ARHGAP42: variants seen among roughly 807,000 people sequenced by gnomAD.
ARHGAP42 encodes the protein rho GTPase-activating protein 42.
ARHGAP42 carries 63 observed loss-of-function variants against 125.0 expected under a neutral mutation model. The observed-to-expected ratio is 0.50, with a 90% CI of 0.41 to 0.62. The LOEUF is 0.62. Among genes scored for constraint, ARHGAP42 ranks in the 20% least tolerant of loss-of-function variants. ARHGAP42 has a pLI of 0.00. For missense variants in ARHGAP42, 766 were observed against 1,024.2 expected (o/e 0.75, Z 3.44); for synonymous variants, 339 against 351.0 (o/e 0.97, Z 0.38).
intron 4 of ARHGAP42, among the ~76,000 whole-genome samples, chr11:100,865,848 T>C (rs560188361): frequency 6.6e-6 from 1 of 152,298 alleles, no homozygotes; most frequent in African/African-American, 2.4e-5. Flanking sequence ...TCGATGTTGA[T>C]AGCAGCTGAC....
chr11:100,736,716 T>A (rs1862075734), intron 1 of ARHGAP42, among the ~76,000 whole-genome samples: 1 of 152,212 alleles, frequency 6.6e-6, no homozygotes, highest in African/African-American at 2.4e-5. Flanking sequence ...TCCGAAAGGA[T>A]CTTGACGTGT....
chr11:100,699,611 C>G (rs1861363779), intron 1 of ARHGAP42, among the ~76,000 whole-genome samples: 1 of 140,922 alleles, frequency 7.1e-6, no homozygotes, highest in Non-Finnish European at 1.5e-5. Context: ...CAACCTCTGC[C>G]TCCTGGGTTC....
chr11:100,927,278 A>T (rs1005584918), intron 6 of ARHGAP42, among the ~76,000 whole-genome samples: 1 of 152,106 alleles, frequency 6.6e-6, no homozygotes, highest in African/African-American at 2.4e-5. Context: ...TAACATTTTG[A>T]TGTGTTTTTC....
At chr11:100,835,527 T>C (rs1251635329) in intron 3 of ARHGAP42, among the ~76,000 whole-genome samples, 1 of 152,134 alleles carries the variant, frequency 6.6e-6, no homozygotes, top group Admixed American at 6.6e-5. Flanking sequence ...GCTCATTTCA[T>C]AGAAGTTTTG....
intron 4 of ARHGAP42, among the ~76,000 whole-genome samples, chr11:100,901,982 T>C (rs1866565886): frequency 6.6e-6 from 1 of 152,248 alleles, no homozygotes; most frequent in African/African-American, 2.4e-5. Context: ...TCACCCATCT[T>C]CTGCGTCCAT....
intron 22 of ARHGAP42, among the ~76,000 whole-genome samples, chr11:100,983,853 A>T (rs1322797911): frequency 6.6e-6 from 1 of 152,216 alleles, no homozygotes; most frequent in African/African-American, 2.4e-5. Context: ...GAAATCTGCA[A>T]CTAGGCTGGG....
intron 4 of ARHGAP42, among the ~76,000 whole-genome samples, chr11:100,887,993 G>A (rs1406179232): frequency 6.6e-6 from 1 of 152,176 alleles, no homozygotes; most frequent in African/African-American, 2.4e-5. Context: ...CCATCTGGCA[G>A]CAAGGAGGTT....
At chr11:100,918,364 T>A (rs535195269) in intron 5 of ARHGAP42, among the ~76,000 whole-genome samples, 1 of 152,324 alleles carries the variant, frequency 6.6e-6, no homozygotes, top group African/African-American at 2.4e-5. Context: ...TCTTTTGAAT[T>A]GAGATAGCAT....
intron 6 of ARHGAP42, 98 bp from the exon 7 acceptor site, chr11:100,933,058 G>T: frequency 2.5e-6 from 2 of 802,052 alleles, no homozygotes; most frequent in South Asian, 2.2e-5. Context: ...GTATTAGTTT[G>T]AGGAATTATA....
chr11:100,795,006 C>T, intron 2 of ARHGAP42, 99 bp from the exon 3 acceptor site: 2 of 898,436 alleles, frequency 2.2e-6, no homozygotes, highest in East Asian at 5.4e-5. Flanking sequence ...ATACTATATA[C>T]AAATTAATAA....
chr11:100,823,517 G>T (rs1004511679), intron 3 of ARHGAP42, among the ~76,000 whole-genome samples: 1 of 152,032 alleles, frequency 6.6e-6, no homozygotes, highest in Non-Finnish European at 1.5e-5. Flanking sequence ...ACCACATATG[G>T]TTCAGTTTTA....
rs988556575 is a variant in ARHGAP42, at chr11:100,973,340, C to A, written c.1710+6C>A. On this transcript the variant is annotated splice_donor_region_variant and intron_variant, in intron 18 of 23. Coordinates refer to ENST00000298815, the MANE Select transcript of ARHGAP42 (RefSeq NM_152432.4). ...TGATAGAGCACTATGAAAAGGTAGG[C>A]GGAATTTTCATGTGGAAGTGTCAAG... is the stretch of plus-strand genomic sequence containing the variant. 3.2e-6 allele frequency: 5 copies of A among 1,546,902 alleles called. No individual in the cohort carries two copies. Among genetic ancestry groups the A allele is most frequent in the South Asian group, 2.4e-5 (2 of 82,816 alleles).
intron 4 of ARHGAP42, among the ~76,000 whole-genome samples, chr11:100,861,671 A>G (rs1226359990): frequency 2.0e-5 from 3 of 152,218 alleles, no homozygotes; most frequent in African/African-American, 7.2e-5. Flanking sequence ...TTCAGGTTGC[A>G]TAACTGGGTG....
intron 3 of ARHGAP42, among the ~76,000 whole-genome samples, chr11:100,809,957 G>A (rs1864096341): frequency 6.6e-6 from 1 of 151,582 alleles, no homozygotes; most frequent in Non-Finnish European, 1.5e-5. Flanking sequence ...AAAAAGAGAA[G>A]CCAGAGGCAT....
chr11:100,708,758 C>A (rs1171323215), intron 1 of ARHGAP42, among the ~76,000 whole-genome samples: 1 of 152,032 alleles, frequency 6.6e-6, no homozygotes, highest in Non-Finnish European at 1.5e-5. Flanking sequence ...TCACAGTAGT[C>A]CTTCCTTATC....
intron 3 of ARHGAP42, among the ~76,000 whole-genome samples, chr11:100,840,163 T>A (rs529773824): frequency 2.6e-5 from 4 of 152,298 alleles, no homozygotes; most frequent in African/African-American, 7.2e-5. Flanking sequence ...CCCTCCATAT[T>A]CTTTTAAAAC....
intron 4 of ARHGAP42, among the ~76,000 whole-genome samples, chr11:100,902,868 G>C (rs184087579): frequency 4.5e-4 from 69 of 152,218 alleles, no homozygotes; most frequent in Non-Finnish European, 7.8e-4. Flanking sequence ...GAGAGTTCTT[G>C]TTCCATGGGG....
In ARHGAP42 at chr11:100,687,624, C is replaced by G; in HGVS notation, c.-55C>G. 2 of 1,243,740 alleles carry G rather than the reference C, an allele frequency of 1.6e-6. No individual in the cohort carries two copies. The highest frequency in any genetic ancestry group is 2.0e-6 in the Non-Finnish European group (2 of 987,956). 77.0% of individuals were successfully genotyped at this position (1,243,740 alleles called of 1,614,324 possible). ...GCCCGCCGCGGCCGCCGGCTGCCCC[C>G]GCCCTGACCTCCGGCCCGGACGTGT... On this transcript the variant is annotated 5_prime_UTR_variant, in exon 1 of 24. Coordinates refer to ENST00000298815, the MANE Select transcript of ARHGAP42 (RefSeq NM_152432.4).
In ARHGAP42 at chr11:100,991,880, A is replaced by G. The variant is rs769263495; in HGVS notation, c.*3079A>G. 6.4e-6 allele frequency: 1 copy of G among 155,328 alleles called. No homozygotes were observed. Among genetic ancestry groups the G allele is most frequent in the Non-Finnish European group, 1.4e-5 (1 of 70,294 alleles). The allele number at this position is 155,328 out of a possible 1,614,324, so 9.6% of individuals were successfully genotyped here. A position where few individuals can be genotyped will look rare whatever the true frequency, so the allele number is the denominator to read the frequency against. Reference sequence around the variant, plus strand: ...GATAGTGAAGGAAAAAAAATGTATTAAAACCCCAAATTATCTAGGTTTCCA... The same window carrying G: ...GATAGTGAAGGAAAAAAAATGTATTGAAACCCCAAATTATCTAGGTTTCCA... On this transcript the variant is annotated 3_prime_UTR_variant, in exon 24 of 24. Transcript: ENST00000298815.
Sources: allele counts gnomAD v4.1 joint callset (sites outside exome capture counted in the v4.1 genomes callset), GRCh38; gene constraint gnomAD v4.1.1; transcripts MANE v1.5; gene names NCBI Gene and HGNC (gene_info 2026-07-23, HGNC 2026-07-21).